The following SNX24 variants were observed in gnomAD, a reference collection of about 807,000 sequenced individuals.
SNX24 encodes the protein sorting nexin 24.
SNX24 carries 22 observed loss-of-function variants against 28.7 expected under a neutral mutation model. The observed-to-expected ratio is 0.77, with a 90% CI of 0.55 to 1.10. The LOEUF is 1.10. Among genes scored for constraint, SNX24 ranks in the 50% least tolerant of loss-of-function variants. SNX24 has a pLI of 0.00. For missense variants in SNX24, 221 were observed against 201.1 expected, an observed-to-expected ratio of 1.10 and a Z score of -0.60; for synonymous variants, 69 against 71.5, an observed-to-expected ratio of 0.96 and a Z score of 0.18.
chr5:122,929,665 G>A (rs984510186), intron 1 of SNX24, among the ~76,000 whole-genome samples: 2 of 151,940 alleles, frequency 1.3e-5, no homozygotes, highest in African/African-American at 4.8e-5. Context: ...GACAGAGAAA[G>A]ACAAATGCTT....
At position 122,862,519 on chromosome 5, in the gene SNX24, G is replaced by A. The variant is rs748648583; in HGVS notation, c.60+16826G>A. Reference sequence around the variant, plus strand: ...GGGGAGGCTGAGGCAGGAGAATGGCGTGAACCCAGGAGGCAGAGCTTGCAG... The same window carrying A: ...GGGGAGGCTGAGGCAGGAGAATGGCATGAACCCAGGAGGCAGAGCTTGCAG... On this transcript the variant is annotated intron_variant, in intron 1 of 6. Transcript: ENST00000261369. 3.3e-5 allele frequency among the ~76,000 whole-genome samples: 5 copies of A among 150,796 alleles called. No homozygotes were observed. In the East Asian group the frequency reaches 9.8e-4, roughly 29 times the overall value.
At chr5:122,859,370 A>G (rs1046833905) in intron 1 of SNX24, among the ~76,000 whole-genome samples, 2 of 152,138 alleles carry the variant, frequency 1.3e-5, no homozygotes, top group African/African-American at 2.4e-5. Context: ...TTGGAAGGCC[A>G]AGGTGGGAAG....
chr5:122,993,362 G>A (rs1434481121), intron 3 of SNX24, among the ~76,000 whole-genome samples: 3 of 147,908 alleles, frequency 2.0e-5, no homozygotes, highest in African/African-American at 5.0e-5. Flanking sequence ...GCAGTGGCGC[G>A]ATCTCGGCTC....
At chr5:122,896,037 T>G (rs919079162) in intron 1 of SNX24, among the ~76,000 whole-genome samples, 1 of 152,028 alleles carries the variant, frequency 6.6e-6, no homozygotes, top group Admixed American at 6.6e-5. Flanking sequence ...TGATCCCAGC[T>G]ACTCGAGAGG....
chr5:122,901,928 G>A (rs1047154710), intron 1 of SNX24, among the ~76,000 whole-genome samples: 5 of 152,098 alleles, frequency 3.3e-5, no homozygotes, highest in African/African-American at 9.7e-5. Flanking sequence ...CATTATATCC[G>A]TTCCATCTTT....
chr5:122,965,360 C>T (rs1351886406), intron 3 of SNX24: 2 of 424,768 alleles, frequency 4.7e-6, no homozygotes, highest in East Asian at 7.1e-5. Context: ...GCCACAGGTA[C>T]CTGGATAGCC....
chr5:122,973,027 A>G (rs1445363526), intron 3 of SNX24, among the ~76,000 whole-genome samples: 1 of 152,236 alleles, frequency 6.6e-6, no homozygotes, highest in Non-Finnish European at 1.5e-5. Context: ...CTGAGGAAAG[A>G]GACCGAGTGG....
At chr5:122,893,196 T>A (rs1757053492) in intron 1 of SNX24, among the ~76,000 whole-genome samples, 1 of 152,134 alleles carries the variant, frequency 6.6e-6, no homozygotes, top group South Asian at 2.1e-4. Flanking sequence ...TTTCTATTAC[T>A]GTCATCATTC....
chr5:123,013,080 T>C (rs551921492), downstream of SNX24, among the ~76,000 whole-genome samples: 1 of 152,324 alleles, frequency 6.6e-6, no homozygotes, highest in East Asian at 1.9e-4. Flanking sequence ...GGGTGTTTGT[T>C]ATATGAGGTC....
intron 3 of SNX24, among the ~76,000 whole-genome samples, chr5:122,958,149 T>C (rs1323856820): frequency 6.6e-6 from 1 of 152,326 alleles, no homozygotes; most frequent in East Asian, 1.9e-4. Context: ...ATTATGATAT[T>C]TACTGTGGGT....
At chr5:122,990,143 C>G (rs1368782436) in intron 3 of SNX24, among the ~76,000 whole-genome samples, 1 of 152,170 alleles carries the variant, frequency 6.6e-6, no homozygotes, top group African/African-American at 2.4e-5. Flanking sequence ...CATTGTTTCT[C>G]TGAGGACTAG....
rs1181876325 is a variant in SNX24, at chr5:123,001,413, A to G, written c.353A>G (p.Asp118Gly). The change falls in exon 5 of 7, where the codon GAT becomes GGT. Residue 118 changes from aspartate (D) to glycine (G), a missense_variant. Physicochemically the swap from Asp to Gly is moderately conservative, Grantham distance 94. Coordinates refer to ENST00000261369, the MANE Select transcript of SNX24 (RefSeq NM_014035.4). Reference protein sequence around the residue: ...LPKAESCGSFDETESEESSKL... With the variant: ...LPKAESCGSFGETESEESSKL... ...TTTTTCAAAACTTTTAGATCTTTTG[A>G]TGAAACAGAGTCTGAAGAGTCAAGG... The G allele has an allele frequency of 6.2e-7, 1 of 1,604,702 alleles. No homozygotes were observed. The highest frequency in any genetic ancestry group is 1.1e-5 in the South Asian group (1 of 90,236).
At chr5:122,976,569 T>C (rs1761175221) in intron 3 of SNX24, among the ~76,000 whole-genome samples, 1 of 152,234 alleles carries the variant, frequency 6.6e-6, no homozygotes. Context: ...AGGTTGCTAG[T>C]ATCCCCTGGT....
At chr5:122,990,358 A>G (rs1761787962) in intron 3 of SNX24, among the ~76,000 whole-genome samples, 1 of 152,232 alleles carries the variant, frequency 6.6e-6, no homozygotes, top group South Asian at 2.1e-4. Context: ...TCTTCATTTA[A>G]AAAAATGATG....
intron 5 of SNX24, chr5:123,028,749 G>T: frequency 6.3e-7 from 1 of 1,577,900 alleles, no homozygotes; most frequent in Non-Finnish European, 8.7e-7. Flanking sequence ...TTGGTAAATG[G>T]GAAAGGAAAA....
intron 3 of SNX24, among the ~76,000 whole-genome samples, chr5:122,957,856 A>C (rs1440627712): frequency 1.3e-5 from 2 of 152,114 alleles, no homozygotes; most frequent in Non-Finnish European, 2.9e-5. Context: ...AATGTAATTG[A>C]TTTTTATGTA....
At position 122,938,716 on chromosome 5, in the gene SNX24, G is replaced by A. The variant is rs1419760162; in HGVS notation, c.144+1899G>A. ...AGCACTTTGGGAGGCCGAGGCGGGC[G>A]GATCACGAGGTCAGGAGATCGAGAC... On this transcript the variant is annotated intron_variant, in intron 2 of 6. Coordinates refer to ENST00000261369, the MANE Select transcript of SNX24 (RefSeq NM_014035.4). Among the ~76,000 whole-genome samples the A allele has an allele frequency of 3.9e-4, 4 of 10,250 alleles. 1 individual carries two copies. Among genetic ancestry groups the A allele is most frequent in the Non-Finnish European group, 5.3e-4 (4 of 7,572 alleles). The allele number at this position is 10,250 out of a possible 152,430, so 6.7% of individuals were successfully genotyped here.
intron 4 of SNX24, 87 bp downstream of exon 4, chr5:123,000,093 C>A: frequency 1.1e-6 from 1 of 906,778 alleles, no homozygotes; most frequent in Admixed American, 1.8e-5. Flanking sequence ...GAGTGATGCC[C>A]GAGTAGCCTG....
At chr5:122,905,251 T>A (rs1757600345) in intron 1 of SNX24, among the ~76,000 whole-genome samples, 1 of 151,828 alleles carries the variant, frequency 6.6e-6, no homozygotes, top group South Asian at 2.1e-4. Flanking sequence ...AGTGGGAGAT[T>A]GGGAGGTGGG....
Sources: allele counts gnomAD v4.1 joint callset (sites outside exome capture counted in the v4.1 genomes callset), GRCh38; gene constraint gnomAD v4.1.1; transcripts MANE v1.5; gene names NCBI Gene and HGNC (gene_info 2026-07-23, HGNC 2026-07-21).